The following TNRC6A variants were observed in gnomAD, a reference collection of about 807,000 sequenced individuals.
TNRC6A encodes the protein trinucleotide repeat containing adaptor 6A, also known as trinucleotide repeat-containing gene 6A protein.
In TNRC6A, 44 loss-of-function variants were observed where a neutral mutation model predicts 221.2. The observed-to-expected ratio is 0.20, with a 90% CI of 0.16 to 0.26. The LOEUF (loss-of-function observed/expected upper bound fraction) is 0.26, where lower values mean the gene tolerates loss of function less well. Ranked by LOEUF, TNRC6A falls within the 10% of genes least tolerant of loss-of-function variation. The pLI is 1.00. For missense variants in TNRC6A, 2,199 were observed against 2,404.4 expected (o/e 0.91, Z 1.79); for synonymous variants, 847 against 838.5 (o/e 1.01, Z -0.18).
intron 15 of TNRC6A, 51 bp from the exon 16 acceptor site, chr16:24,806,155 A>G: frequency 1.9e-6 from 3 of 1,602,784 alleles, no homozygotes; most frequent in Non-Finnish European, 2.6e-6. Flanking sequence ...TTGGAAGCAC[A>G]CACTTTGTAA....
chr16:24,736,573 A>G (rs768595438), intron 2 of TNRC6A, among the ~76,000 whole-genome samples: 4 of 152,186 alleles, frequency 2.6e-5, no homozygotes, highest in Non-Finnish European at 5.9e-5. Flanking sequence ...GAAATAGTCC[A>G]GTCTAGTTGT....
intron 2 of TNRC6A, among the ~76,000 whole-genome samples, chr16:24,660,727 T>C (rs1439954647): frequency 7.3e-6 from 1 of 137,832 alleles, no homozygotes; most frequent in African/African-American, 2.9e-5. Context: ...TTTTCTTTTT[T>C]CTTTTTTTTT....
chr16:24,695,686 C>A (rs1248759949), intron 2 of TNRC6A, among the ~76,000 whole-genome samples: 1 of 152,080 alleles, frequency 6.6e-6, no homozygotes, highest in Non-Finnish European at 1.5e-5. Context: ...GCGTGAGCCA[C>A]CCCGCCTGGC....
intron 16 of TNRC6A, 105 bp from the exon 17 acceptor site, chr16:24,806,469 C>A: frequency 6.9e-7 from 1 of 1,445,316 alleles, no homozygotes; most frequent in Non-Finnish European, 9.6e-7. Context: ...GATTATTCAC[C>A]TTTCTGCTGA....
intron 2 of TNRC6A, among the ~76,000 whole-genome samples, chr16:24,642,452 A>G (rs1222503190): frequency 6.6e-6 from 1 of 152,186 alleles, no homozygotes; most frequent in Non-Finnish European, 1.5e-5. Context: ...CATGCAAGGC[A>G]TCAAATAGGG....
chr16:24,719,691 A>G (rs893034433), intron 2 of TNRC6A, among the ~76,000 whole-genome samples: 4 of 151,808 alleles, frequency 2.6e-5, no homozygotes, highest in African/African-American at 4.8e-5. Flanking sequence ...AAAAATAAAA[A>G]TTAGTTGAGT....
At chr16:24,632,892 C>T (rs889078674) in intron 1 of TNRC6A, among the ~76,000 whole-genome samples, 7 of 151,744 alleles carry the variant, frequency 4.6e-5, no homozygotes, top group Admixed American at 1.3e-4. Flanking sequence ...GCATGTAATC[C>T]CAGCTACTTA....
chr16:24,658,709 AT>A (rs2054967986), intron 2 of TNRC6A, among the ~76,000 whole-genome samples: 1 of 151,546 alleles, frequency 6.6e-6, no homozygotes. Context: ...TTTTTTCCTG[AT>A]TAGTTGACTT....
At chr16:24,780,645 AAG>A (rs1275523228) in intron 5 of TNRC6A, among the ~76,000 whole-genome samples, 6 of 152,216 alleles carry the variant, frequency 3.9e-5, no homozygotes, top group African/African-American at 9.6e-5. Flanking sequence ...TGGCGAAGGA[AAG>A]AGAGAGAATA....
At chr16:24,745,688 G>A (rs1169279193) in intron 2 of TNRC6A, among the ~76,000 whole-genome samples, 1 of 151,804 alleles carries the variant, frequency 6.6e-6, no homozygotes, top group Non-Finnish European at 1.5e-5. Context: ...GTTGCCCAGG[G>A]TGGCATGCAG....
intron 2 of TNRC6A, among the ~76,000 whole-genome samples, chr16:24,671,289 G>A (rs1032614727): frequency 1.3e-5 from 2 of 152,142 alleles, no homozygotes; most frequent in Non-Finnish European, 2.9e-5. Flanking sequence ...AGATTCATAC[G>A]GCTTAAGTTT....
intron 2 of TNRC6A, chr16:24,671,002 G>C (rs548468089): frequency 8.7e-5 from 35 of 400,866 alleles, no homozygotes; most frequent in African/African-American, 6.7e-4. Context: ...TCTCCTGGCA[G>C]CACATTCCTC....
intron 2 of TNRC6A, among the ~76,000 whole-genome samples, chr16:24,697,274 T>C (rs757655903): frequency 8.5e-5 from 13 of 152,200 alleles, no homozygotes; most frequent in Non-Finnish European, 1.9e-4. Context: ...CGTCTGGGTA[T>C]CTTTTGATAT....
chr16:24,776,491 A>G (rs2057720382), intron 4 of TNRC6A: 1 of 985,322 alleles, frequency 1.0e-6, no homozygotes, highest in South Asian at 4.7e-5. Flanking sequence ...TCCAAAGATG[A>G]AAAATAGAGA....
chr16:24,733,015 G>A (rs549246875), intron 2 of TNRC6A, among the ~76,000 whole-genome samples: 6 of 152,186 alleles, frequency 3.9e-5, no homozygotes, highest in Non-Finnish European at 5.9e-5. Flanking sequence ...TCAGGAGTTC[G>A]AGACCAGCCT....
At chr16:24,782,804 A>G (rs56174330) in intron 5 of TNRC6A, among the ~76,000 whole-genome samples, 1 of 151,988 alleles carries the variant, frequency 6.6e-6, no homozygotes, top group Non-Finnish European at 1.5e-5. Context: ...CCCGGGAGGC[A>G]GAGCTTACAG....
At chr16:24,724,609 A>G (rs1305088025) in intron 2 of TNRC6A, among the ~76,000 whole-genome samples, 1 of 152,070 alleles carries the variant, frequency 6.6e-6, no homozygotes, top group African/African-American at 2.4e-5. Flanking sequence ...AGCCAGGTGC[A>G]GTGACTTGCG....
chr16:24,780,259 C>T (rs1329967244), intron 5 of TNRC6A, among the ~76,000 whole-genome samples: 1 of 152,116 alleles, frequency 6.6e-6, no homozygotes, highest in East Asian at 1.9e-4. Context: ...ACTTGACACA[C>T]CTCTCTTTCT....
intron 4 of TNRC6A, among the ~76,000 whole-genome samples, chr16:24,773,808 A>G (rs375704048): frequency 8.7e-5 from 13 of 148,862 alleles, no homozygotes; most frequent in African/African-American, 2.7e-4. Flanking sequence ...TGATATCAAT[A>G]TTGTTTTCAT....
Sources: allele counts gnomAD v4.1 joint callset (sites outside exome capture counted in the v4.1 genomes callset), GRCh38; gene constraint gnomAD v4.1.1; transcripts MANE v1.5; gene names NCBI Gene and HGNC (gene_info 2026-07-23, HGNC 2026-07-21).